The following EYS variants were observed in gnomAD, a reference collection of about 807,000 sequenced individuals.
The protein encoded by EYS is protein eyes shut homolog.
Under a neutral mutation model 282.1 loss-of-function variants are expected in EYS, and 250 were observed. The observed-to-expected ratio is 0.89, with a 90% CI of 0.80 to 0.98. The LOEUF (loss-of-function observed/expected upper bound fraction) is 0.98. EYS is among the 50% of genes least tolerant of loss of function. The pLI, the probability that EYS is intolerant of heterozygous loss-of-function variation, is 0.00. For synonymous variants in EYS, 1,355 were observed against 1,282.9 expected (o/e 1.06, Z -1.20); for missense variants, 4,016 against 3,709.0 (o/e 1.08, Z -2.15).
chr6:64,257,520 G>GT (rs1189185450), intron 30 of EYS, among the ~76,000 whole-genome samples: 1 of 151,880 alleles, frequency 6.6e-6, no homozygotes, highest in South Asian at 2.1e-4. Flanking sequence ...TTATCTATTT[G>GT]TATCTGTTTC....
chr6:65,693,865 G>T (rs1015972798), intron 1 of EYS, among the ~76,000 whole-genome samples: 1 of 149,984 alleles, frequency 6.7e-6, no homozygotes, highest in Non-Finnish European at 1.5e-5. Flanking sequence ...ATCTCAGCTT[G>T]CACAGTACAT....
chr6:64,781,582 A>G (rs1485427683), intron 22 of EYS, among the ~76,000 whole-genome samples: 1 of 151,312 alleles, frequency 6.6e-6, no homozygotes, highest in Non-Finnish European at 1.5e-5. Flanking sequence ...GTCTCAAAAA[A>G]AAAAAAAAAA....
intron 10 of EYS, among the ~76,000 whole-genome samples, chr6:65,340,872 A>G (rs148044628): frequency 3.3e-5 from 5 of 151,106 alleles, no homozygotes; most frequent in Middle Eastern, 3.4e-3. Context: ...AAATGCCCTC[A>G]CTCTCAAGGC....
intron 31 of EYS, among the ~76,000 whole-genome samples, chr6:64,230,129 TAA>T (rs1766376261): frequency 6.6e-6 from 1 of 152,218 alleles, no homozygotes; most frequent in Non-Finnish European, 1.5e-5. Context: ...TCATTAATGT[TAA>T]AACCATATTC....
intron 5 of EYS, among the ~76,000 whole-genome samples, chr6:65,452,908 T>C (rs1272034148): frequency 6.6e-6 from 1 of 151,944 alleles, no homozygotes; most frequent in Non-Finnish European, 1.5e-5. Context: ...AATCTGATAA[T>C]GAGAAATCCA....
chr6:64,568,925 A>C (rs536776605), intron 26 of EYS, among the ~76,000 whole-genome samples: 79 of 151,836 alleles, frequency 5.2e-4, no homozygotes, highest in African/African-American at 1.9e-3. Flanking sequence ...AACAGAAAGG[A>C]ATAGCATCAA....
intron 29 of EYS, among the ~76,000 whole-genome samples, chr6:64,372,135 T>G (rs1046120025): frequency 9.4e-4 from 20 of 21,292 alleles, no homozygotes; most frequent in African/African-American, 2.1e-3. Context: ...CTTGTGTTTT[T>G]TTTTTTTTTT....
chr6:64,899,439 A>G (rs1350329365), intron 18 of EYS, among the ~76,000 whole-genome samples: 1 of 152,164 alleles, frequency 6.6e-6, no homozygotes, highest in East Asian at 1.9e-4. Context: ...CTGTTTGCAA[A>G]TGACAGGATT....
chr6:64,201,680 A>C (rs1330932255), intron 31 of EYS, among the ~76,000 whole-genome samples: 1 of 152,190 alleles, frequency 6.6e-6, no homozygotes, highest in Non-Finnish European at 1.5e-5. Flanking sequence ...ATGGAACAAA[A>C]AATTGTGAAA....
At chr6:64,761,896 C>T (rs1441047607) in intron 22 of EYS, among the ~76,000 whole-genome samples, 3 of 151,984 alleles carry the variant, frequency 2.0e-5, no homozygotes, top group Admixed American at 6.5e-5. Flanking sequence ...TAAAAATTAC[C>T]TTTTGGGGGA....
intron 35 of EYS, among the ~76,000 whole-genome samples, chr6:63,872,343 T>C (rs1381496520): frequency 3.9e-5 from 6 of 151,912 alleles, no homozygotes; most frequent in Non-Finnish European, 7.4e-5. Flanking sequence ...AGTGTGTAGG[T>C]ATGTGTGTGT....
In EYS at chr6:64,766,661, T is replaced by A. The variant is rs1226117993; in HGVS notation, c.3443+46717A>T. On this transcript the variant is annotated intron_variant, in intron 22 of 42. Coordinates refer to ENST00000503581, the MANE Select transcript of EYS (RefSeq NM_001142800.2). Reference sequence around the variant, plus strand: ...AAAAAAAAAAAAAAATATATATATATATATATATATATATATATATATAAA... The same window carrying A: ...AAAAAAAAAAAAAAATATATATATAAATATATATATATATATATATATAAA... 6.9e-3 allele frequency among the ~76,000 whole-genome samples: 447 copies of A among 64,998 alleles called. 10 individuals are homozygous for A. Among genetic ancestry groups the A allele is most frequent in the African/African-American group, 0.028 (388 of 13,698 alleles). 42.6% of individuals were successfully genotyped at this position (64,998 alleles called of 152,430 possible). A position where few individuals can be genotyped will look rare whatever the true frequency, so the allele number is the denominator to read the frequency against.
chr6:64,514,071 C>T (rs927305567), intron 26 of EYS, among the ~76,000 whole-genome samples: 1 of 151,680 alleles, frequency 6.6e-6, no homozygotes, highest in African/African-American at 2.4e-5. Context: ...CATTCTTCAT[C>T]TGCATTGATA....
intron 12 of EYS, among the ~76,000 whole-genome samples, chr6:65,228,154 C>A (rs1039305475): frequency 3.9e-5 from 6 of 152,020 alleles, no homozygotes; most frequent in South Asian, 2.1e-4. Context: ...TATGTGGAAA[C>A]AAGGATATCC....
chr6:65,126,624 G>A (rs1017780312), intron 12 of EYS, among the ~76,000 whole-genome samples: 10 of 152,240 alleles, frequency 6.6e-5, no homozygotes, highest in South Asian at 2.1e-4. Context: ...CCACAAAAAC[G>A]ATTTTTAAAG....
chr6:65,532,804 G>A (rs946904541), intron 2 of EYS, among the ~76,000 whole-genome samples: 1 of 152,040 alleles, frequency 6.6e-6, no homozygotes, highest in Non-Finnish European at 1.5e-5. Context: ...AATATGGCAA[G>A]TATGTTTTTA....
intron 30 of EYS, among the ~76,000 whole-genome samples, chr6:64,305,036 ACT>A: frequency 6.6e-6 from 1 of 152,310 alleles, no homozygotes; most frequent in Non-Finnish European, 1.5e-5. Flanking sequence ...TGTTTGAAAA[ACT>A]CAACAAAATT....
Position 64,967,212 on chromosome 6 carries a change from A to G in EYS, c.2260-21298T>C, listed in dbSNP as rs539173832. On this transcript the variant is annotated intron_variant, in intron 14 of 42. Coordinates refer to ENST00000503581, the MANE Select transcript of EYS (RefSeq NM_001142800.2). ...AGAATTACTTTTCTAAAAATTAAAC[A>G]CAGCTATGTTACTCAGCTCCTTAGA... Among the ~76,000 whole-genome samples the G allele has an allele frequency of 1.1e-3, 168 of 152,210 alleles. 2 individuals are homozygous for G. Among genetic ancestry groups the G allele is most frequent in the African/African-American group, 3.8e-3 (157 of 41,534 alleles).
intron 12 of EYS, among the ~76,000 whole-genome samples, chr6:65,208,874 C>T (rs1462593054): frequency 6.6e-6 from 1 of 151,742 alleles, no homozygotes; most frequent in Non-Finnish European, 1.5e-5. Context: ...ATACTAAAAG[C>T]CCAAACCTCA....
Sources: allele counts gnomAD v4.1 joint callset (sites outside exome capture counted in the v4.1 genomes callset), GRCh38; gene constraint gnomAD v4.1.1; transcripts MANE v1.5; gene names NCBI Gene and HGNC (gene_info 2026-07-23, HGNC 2026-07-21).